The following DPP10 variants were observed in gnomAD, a reference collection of about 807,000 sequenced individuals.
The protein encoded by DPP10 is inactive dipeptidyl peptidase 10.
DPP10 carries 33 observed loss-of-function variants against 120.9 expected under a neutral mutation model. That is an observed-to-expected ratio of 0.27 (90% CI 0.21 to 0.37). DPP10 has a LOEUF of 0.37. DPP10 is among the 10% of genes least tolerant of loss of function. The pLI is 1.00. For missense variants in DPP10, 816 were observed against 942.8 expected, an observed-to-expected ratio of 0.87 and a Z score of 1.76; for synonymous variants, 337 against 326.1, an observed-to-expected ratio of 1.03 and a Z score of -0.36.
chr2:115,057,781 T>C (rs557937325), intron 1 of DPP10, among the ~76,000 whole-genome samples: 11 of 151,984 alleles, frequency 7.2e-5, no homozygotes, highest in Non-Finnish European at 1.5e-4. Flanking sequence ...AATTTAGGAG[T>C]TGGACAAGGC....
At chr2:114,726,281 C>G (rs1702043894) in intron 1 of DPP10, among the ~76,000 whole-genome samples, 3 of 150,668 alleles carry the variant, frequency 2.0e-5, no homozygotes, top group Non-Finnish European at 4.4e-5. Flanking sequence ...TTGGGAAGAG[C>G]TAAACTAGCC....
intron 5 of DPP10, among the ~76,000 whole-genome samples, chr2:115,613,589 C>T (rs2084272125): frequency 6.6e-6 from 1 of 152,146 alleles, no homozygotes; most frequent in Admixed American, 6.5e-5. Context: ...CAATGGTTTC[C>T]TCTTTCTTTT....
intron 3 of DPP10, among the ~76,000 whole-genome samples, chr2:115,406,511 G>GAA (rs1173948931): frequency 6.6e-6 from 1 of 152,090 alleles, no homozygotes; most frequent in Non-Finnish European, 1.5e-5. Flanking sequence ...GTTTAAAAGA[G>GAA]AAAGATATGA....
intron 1 of DPP10, among the ~76,000 whole-genome samples, chr2:114,462,819 T>TA (rs1234825739): frequency 6.6e-6 from 1 of 152,216 alleles, no homozygotes; most frequent in African/African-American, 2.4e-5. Context: ...ATAAATTATT[T>TA]AAAATTCTTC....
chr2:114,769,389 G>C (rs752901811), intron 1 of DPP10, among the ~76,000 whole-genome samples: 1 of 152,150 alleles, frequency 6.6e-6, no homozygotes, highest in Non-Finnish European at 1.5e-5. Context: ...CCGCAAGCTA[G>C]TGGTGGTGTG....
chr2:114,681,509 T>C (rs759260548), intron 1 of DPP10, among the ~76,000 whole-genome samples: 23 of 152,028 alleles, frequency 1.5e-4, no homozygotes, highest in Non-Finnish European at 2.6e-4. Flanking sequence ...ATTGACTTTG[T>C]GTTAGCTTCC....
intron 1 of DPP10, among the ~76,000 whole-genome samples, chr2:114,505,946 ACTTT>A (rs1311750812): frequency 6.6e-6 from 1 of 152,222 alleles, no homozygotes; most frequent in Non-Finnish European, 1.5e-5. Context: ...GCCTCATTCT[ACTTT>A]CTTTCCAAAG....
At chr2:115,803,116 T>G (rs1685468990) in intron 19 of DPP10, among the ~76,000 whole-genome samples, 2 of 152,322 alleles carry the variant, frequency 1.3e-5, no homozygotes, top group Non-Finnish European at 2.9e-5. Flanking sequence ...TGGGTGCTCC[T>G]GTATTGGGTG....
chr2:114,687,715 C>T (rs1482274571), intron 1 of DPP10, among the ~76,000 whole-genome samples: 1 of 151,958 alleles, frequency 6.6e-6, no homozygotes, highest in Non-Finnish European at 1.5e-5. Context: ...TGATAAGTCA[C>T]ATCCCAAGAA....
At chr2:115,399,835 T>A (rs183177629) in intron 3 of DPP10, among the ~76,000 whole-genome samples, 264 of 151,826 alleles carry the variant, frequency 1.7e-3, no homozygotes, top group Non-Finnish European at 3.0e-3. Flanking sequence ...TTTACTGGCT[T>A]GTATTAGCTT....
At chr2:115,250,568 A>G (rs748875870) in intron 1 of DPP10, among the ~76,000 whole-genome samples, 5 of 152,168 alleles carry the variant, frequency 3.3e-5, no homozygotes, top group South Asian at 2.1e-4. Flanking sequence ...GGATGTGGCA[A>G]TGGCAGCCTC....
chr2:115,628,326 T>C (rs575972138), intron 5 of DPP10, among the ~76,000 whole-genome samples: 1 of 152,300 alleles, frequency 6.6e-6, no homozygotes, highest in Admixed American at 6.5e-5. Flanking sequence ...TTTTGAGAAG[T>C]GTCTGTTCAT....
intron 7 of DPP10, among the ~76,000 whole-genome samples, chr2:115,706,944 G>A (rs1354260745): frequency 1.3e-5 from 2 of 151,890 alleles, no homozygotes; most frequent in African/African-American, 4.8e-5. Flanking sequence ...GGAGCTCTCC[G>A]CTTGCTCTCC....
chr2:115,577,423 G>A (rs767019727), intron 5 of DPP10, among the ~76,000 whole-genome samples: 9 of 152,182 alleles, frequency 5.9e-5, no homozygotes, highest in Non-Finnish European at 1.0e-4. Flanking sequence ...CGATGGCACT[G>A]ATGATATTAA....
chr2:115,497,383 T>C (rs899222400), intron 3 of DPP10, among the ~76,000 whole-genome samples: 3 of 152,112 alleles, frequency 2.0e-5, no homozygotes, highest in African/African-American at 7.2e-5. Flanking sequence ...CCTACGAGCC[T>C]AAAAGCAAGA....
chr2:115,368,979 T>G (rs1222776580), intron 3 of DPP10, among the ~76,000 whole-genome samples: 1 of 152,124 alleles, frequency 6.6e-6, no homozygotes, highest in East Asian at 1.9e-4. Flanking sequence ...TCAAGAAAAT[T>G]GACCATTTTC....
chr2:115,755,582 T>C (rs1679288962), intron 11 of DPP10, among the ~76,000 whole-genome samples: 1 of 151,834 alleles, frequency 6.6e-6, no homozygotes, highest in Non-Finnish European at 1.5e-5. Flanking sequence ...ACAGAGAAAA[T>C]GCTTAAGGAC....
chr2:114,597,991 G>C (rs1692065497), intron 1 of DPP10, among the ~76,000 whole-genome samples: 1 of 151,948 alleles, frequency 6.6e-6, no homozygotes, highest in Non-Finnish European at 1.5e-5. Context: ...GGGATTAAGA[G>C]AAGTTTTAAG....
chr2:115,354,592 T>G (rs2064247288), intron 3 of DPP10, among the ~76,000 whole-genome samples: 1 of 152,072 alleles, frequency 6.6e-6, no homozygotes, highest in Non-Finnish European at 1.5e-5. Flanking sequence ...TATTTCTTTT[T>G]TTTTTCCTTT....
Sources: allele counts gnomAD v4.1 joint callset (sites outside exome capture counted in the v4.1 genomes callset), GRCh38; gene constraint gnomAD v4.1.1; transcripts MANE v1.5; gene names NCBI Gene and HGNC (gene_info 2026-07-23, HGNC 2026-07-21).